Variants in RNF217 observed in about 807,000 individuals in gnomAD.
RNF217 encodes the protein E3 ubiquitin-protein ligase RNF217.
RNF217 carries 31 observed loss-of-function variants against 57.8 expected under a neutral mutation model. The observed-to-expected ratio is 0.54, with a 90% CI of 0.40 to 0.72. The LOEUF (loss-of-function observed/expected upper bound fraction) is 0.72, where lower values mean the gene tolerates loss of function less well. Ranked by LOEUF, RNF217 falls within the 30% of genes least tolerant of loss-of-function variation. The pLI is 0.00. For synonymous variants in RNF217, 313 were observed against 294.0 expected (o/e 1.06, Z -0.66); for missense variants, 696 against 708.3 (o/e 0.98, Z 0.20).
intron 2 of RNF217, among the ~76,000 whole-genome samples, chr6:125,050,481 T>A (rs1250695068): frequency 6.6e-6 from 1 of 151,964 alleles, no homozygotes; most frequent in African/African-American, 2.4e-5. Context: ...TTATAAACCC[T>A]CTGAGTAGAA....
At chr6:125,080,638 C>T (rs1237955906) in intron 4 of RNF217, among the ~76,000 whole-genome samples, 6 of 152,124 alleles carry the variant, frequency 3.9e-5, no homozygotes, top group Admixed American at 3.9e-4. Context: ...ATTTACTAAC[C>T]TCTTTTTTGT....
intron 1 of RNF217, among the ~76,000 whole-genome samples, chr6:125,002,123 T>C (rs1763177360): frequency 6.6e-6 from 1 of 152,200 alleles, no homozygotes; most frequent in Non-Finnish European, 1.5e-5. Context: ...GAGAGACTAA[T>C]AATCTCCAGA....
At position 125,084,358 on chromosome 6, in the gene RNF217, A is replaced by G. The variant is rs1401207621; in HGVS notation, c.*1421A>G. 6.6e-6 allele frequency: 1 copy of G among 151,942 alleles called. No homozygotes were observed. Among genetic ancestry groups the G allele is most frequent in the Non-Finnish European group, 1.5e-5 (1 of 67,884 alleles). 9.4% of individuals were successfully genotyped at this position (151,942 alleles called of 1,614,324 possible). On this transcript the variant is annotated 3_prime_UTR_variant, in exon 6 of 6. Coordinates refer to ENST00000521654, the MANE Select transcript of RNF217 (RefSeq NM_001286398.3). ...AAAAATAAGAAATTGACAAGTAACT[A>G]GACTATGATATGCCTTTGCTTTCAT... is the stretch of plus-strand genomic sequence containing the variant.
At chr6:125,051,369 G>A (rs1344373964) in intron 2 of RNF217, among the ~76,000 whole-genome samples, 1 of 151,684 alleles carries the variant, frequency 6.6e-6, no homozygotes, top group Non-Finnish European at 1.5e-5. Context: ...TAGGCCAAGT[G>A]TGGTGTTCCT....
chr6:125,012,900 G>A (rs1452438120), intron 1 of RNF217, among the ~76,000 whole-genome samples: 1 of 152,014 alleles, frequency 6.6e-6, no homozygotes, highest in Non-Finnish European at 1.5e-5. Context: ...TAAATTGAAG[G>A]TATATTTTCA....
At chr6:125,057,712 A>G (rs1356929793) in intron 2 of RNF217, among the ~76,000 whole-genome samples, 13 of 152,300 alleles carry the variant, frequency 8.5e-5, no homozygotes, top group African/African-American at 3.1e-4. Flanking sequence ...GGTTTCCAGA[A>G]CCAAATGTTT....
At chr6:125,023,059 T>C (rs7762807) in intron 1 of RNF217, among the ~76,000 whole-genome samples, 78,273 of 151,970 alleles carry the variant, frequency 0.52, 22,796 homozygotes, top group Non-Finnish European at 0.66. Context: ...CAAACAATTT[T>C]GCTAGAATAG....
intron 1 of RNF217, among the ~76,000 whole-genome samples, chr6:124,968,667 A>G (rs1232108231): frequency 6.6e-6 from 1 of 152,184 alleles, no homozygotes; most frequent in East Asian, 1.9e-4. Flanking sequence ...TATCTCAAAT[A>G]ACATTACAAG....
chr6:125,086,566 GA>G lies in RNF217; in HGVS notation c.*3634del, dbSNP rs1029452551. On this transcript the variant is annotated 3_prime_UTR_variant, in exon 6 of 6. Coordinates refer to ENST00000521654, the MANE Select transcript of RNF217 (RefSeq NM_001286398.3). ...TTATAAATGCCCACAGCAATTCCCA[GA>G]AAAATACATTAGATTATGTACGATT... 1 of 152,012 alleles carries G rather than the reference GA, an allele frequency of 6.6e-6. No individual in the cohort carries two copies. The highest frequency in any genetic ancestry group is 1.5e-5 in the Non-Finnish European group (1 of 67,970). The allele number at this position is 152,012 out of a possible 1,614,324, so 9.4% of individuals were successfully genotyped here.
chr6:124,979,151 G>A (rs373075172), intron 1 of RNF217, among the ~76,000 whole-genome samples: 35 of 152,252 alleles, frequency 2.3e-4, no homozygotes, highest in African/African-American at 7.2e-4. Flanking sequence ...CTTGAAGGTC[G>A]GGTTTCACCA....
At chr6:125,047,587 C>G (rs1787146073) in intron 2 of RNF217, among the ~76,000 whole-genome samples, 1 of 152,076 alleles carries the variant, frequency 6.6e-6, no homozygotes, top group Non-Finnish European at 1.5e-5. Context: ...ATTTATTAAA[C>G]TCAATTGATT....
rs552882791 is a variant in RNF217, at chr6:124,993,808, A to G, written c.882+30382A>G. On this transcript the variant is annotated intron_variant, in intron 1 of 5. Transcript: ENST00000521654. The stretch of plus-strand genomic sequence containing the variant: ...GCCAGATAAAGAAGGGGCTGCGTAA[A>G]GAGTGTGTCAGGGCTAAGAGTGCCA... Among the ~76,000 whole-genome samples, 4 of 152,314 alleles carry G rather than the reference A, an allele frequency of 2.6e-5. No homozygotes were observed. In the South Asian group the frequency reaches 8.3e-4, roughly 32 times the overall value.
At chr6:125,027,833 G>T (rs1786172910) in intron 1 of RNF217, among the ~76,000 whole-genome samples, 1 of 152,062 alleles carries the variant, frequency 6.6e-6, no homozygotes, top group African/African-American at 2.4e-5. Context: ...CCTGTCTTTT[G>T]GATACAAGCT....
chr6:125,001,155 G>C (rs960507561), intron 1 of RNF217, among the ~76,000 whole-genome samples: 1 of 152,090 alleles, frequency 6.6e-6, no homozygotes, highest in African/African-American at 2.4e-5. Flanking sequence ...TTTCTTACAA[G>C]GGAAATAAAA....
At chr6:125,062,052 TATA>T (rs986061074) in intron 3 of RNF217, among the ~76,000 whole-genome samples, 1 of 152,074 alleles carries the variant, frequency 6.6e-6, no homozygotes, top group Non-Finnish European at 1.5e-5. Context: ...TATCTTAAAT[TATA>T]ATACATAATA....
At chr6:125,003,263 T>C (rs1266483566) in intron 1 of RNF217, among the ~76,000 whole-genome samples, 1 of 152,184 alleles carries the variant, frequency 6.6e-6, no homozygotes, top group African/African-American at 2.4e-5. Context: ...TGTATGGTTG[T>C]ACAATCACTG....
chr6:125,033,933 C>T (rs1255032331), intron 1 of RNF217, among the ~76,000 whole-genome samples: 1 of 152,006 alleles, frequency 6.6e-6, no homozygotes, highest in African/African-American at 2.4e-5. Context: ...ATTTGCATTT[C>T]TCTGATGGCC....
chr6:124,998,404 G>C (rs79231474), intron 1 of RNF217, among the ~76,000 whole-genome samples: 3,307 of 152,252 alleles, frequency 0.022, 133 homozygotes, highest in African/African-American at 0.075. Context: ...ATGTAAATCT[G>C]TCTGCTTATC....
intron 3 of RNF217, among the ~76,000 whole-genome samples, chr6:125,075,513 A>T (rs1311144142): frequency 3.9e-5 from 6 of 152,148 alleles, no homozygotes; most frequent in Admixed American, 3.3e-4. Context: ...CCAGACGCTT[A>T]CAAAACTATC....
Sources: allele counts gnomAD v4.1 joint callset (sites outside exome capture counted in the v4.1 genomes callset), GRCh38; gene constraint gnomAD v4.1.1; transcripts MANE v1.5; gene names NCBI Gene and HGNC (gene_info 2026-07-23, HGNC 2026-07-21).